Variants in PITPNM2 observed in about 807,000 individuals in gnomAD.
PITPNM2 encodes membrane-associated phosphatidylinositol transfer protein 2.
In PITPNM2, 35 loss-of-function variants were observed where a neutral mutation model predicts 132.2. The observed-to-expected ratio is 0.26, with a 90% CI of 0.20 to 0.35. The LOEUF (loss-of-function observed/expected upper bound fraction) is 0.35. Ranked by LOEUF, PITPNM2 falls within the 10% of genes least tolerant of loss-of-function variation. The pLI, the probability that PITPNM2 is intolerant of heterozygous loss-of-function variation, is 1.00. For synonymous variants in PITPNM2, 738 were observed against 799.2 expected, an observed-to-expected ratio of 0.92 and a Z score of 1.29; for missense variants, 1,332 against 1,912.0, an observed-to-expected ratio of 0.70 and a Z score of 5.66.
At chr12:123,054,785 G>T (rs1159808385) in intron 2 of PITPNM2, among the ~76,000 whole-genome samples, 2 of 152,196 alleles carry the variant, frequency 1.3e-5, no homozygotes, top group African/African-American at 4.8e-5. Flanking sequence ...CATTTATGCT[G>T]AGGTATGGTG....
chr12:123,119,074 T>C lies in PITPNM2; in HGVS notation c.-199-8586A>G, dbSNP rs57493716. Among the ~76,000 whole-genome samples, 562 of 152,268 alleles carry C rather than the reference T, an allele frequency of 3.7e-3. 4 individuals are homozygous for C. Among genetic ancestry groups the C allele is most frequent in the African/African-American group, 0.013 (530 of 41,552 alleles). ...TCCCAGATGTATCTGGGCTCAGCGT[T>C]GATGACAATAGCCTAACTATTCCCT... is the stretch of plus-strand genomic sequence containing the variant. On this transcript the variant is annotated intron_variant, in intron 1 of 25. Transcript: ENST00000320201.
chr12:123,145,435 C>T (rs985310104), intron 1 of PITPNM2, among the ~76,000 whole-genome samples: 26 of 152,106 alleles, frequency 1.7e-4, no homozygotes, highest in Non-Finnish European at 3.5e-4. Flanking sequence ...TTTCCCTGGA[C>T]CCATGACTCC....
intron 2 of PITPNM2, among the ~76,000 whole-genome samples, chr12:123,074,983 GAGA>G (rs2136943798): frequency 6.6e-6 from 1 of 152,362 alleles, no homozygotes; most frequent in South Asian, 2.1e-4. Context: ...ATGTTAGCAT[GAGA>G]AGAATGCCAA....
intron 1 of PITPNM2, among the ~76,000 whole-genome samples, chr12:123,138,150 C>T (rs576088576): frequency 6.6e-6 from 1 of 152,206 alleles, no homozygotes; most frequent in African/African-American, 2.4e-5. Context: ...ATTAGTCAGT[C>T]TTAAAAAGAA....
At chr12:123,076,518 C>T (rs2041795340) in intron 2 of PITPNM2, among the ~76,000 whole-genome samples, 1 of 152,156 alleles carries the variant, frequency 6.6e-6, no homozygotes, top group South Asian at 2.1e-4. Flanking sequence ...AATGCTGAAA[C>T]AAAAAACAGA....
At chr12:123,076,995 C>A (rs2041810969) in intron 2 of PITPNM2, among the ~76,000 whole-genome samples, 1 of 152,142 alleles carries the variant, frequency 6.6e-6, no homozygotes, top group South Asian at 2.1e-4. Context: ...TCTCCCCGGG[C>A]TGCGCTGCTG....
chr12:123,043,423 GA>G (rs1215959039), intron 2 of PITPNM2, among the ~76,000 whole-genome samples: 1 of 152,142 alleles, frequency 6.6e-6, no homozygotes, highest in Admixed American at 6.5e-5. Context: ...CTTTAAGCAG[GA>G]CCTGACTCCT....
At chr12:122,987,733 C>T in intron 21 of PITPNM2, 52 bp downstream of exon 21, 1 of 1,612,620 alleles carries the variant, frequency 6.2e-7, no homozygotes, top group Non-Finnish European at 8.5e-7. Context: ...CAGAGGGCAG[C>T]AGGGAGCTCC....
chr12:123,133,945 T>G (rs2043321269), intron 1 of PITPNM2, among the ~76,000 whole-genome samples: 1 of 151,456 alleles, frequency 6.6e-6, no homozygotes, highest in Non-Finnish European at 1.5e-5. Context: ...GCCTCCCAAG[T>G]GCTGAGATTA....
Position 123,150,009 on chromosome 12 carries a change from G to C in PITPNM2, c.-200+744C>G, listed in dbSNP as rs1246880329. On this transcript the variant is annotated intron_variant, in intron 1 of 25. Transcript: ENST00000320201. This position sits in a 1 kb window ranked among gnomAD's most constrained non-coding sequence, Gnocchi z 6.0. ...ATGTCTCTGCAGGAGCAAGTCGGTG[G>C]AAAGGGGACAAGCCTGGAGGACTTG... The C allele has an allele frequency of 3.3e-5, 5 of 152,266 alleles. No homozygotes were observed. The East Asian group carries it at 9.6e-4, about 29-fold the overall frequency. 9.4% of individuals were successfully genotyped at this position (152,266 alleles called of 1,614,324 possible).
intron 23 of PITPNM2, 132 bp downstream of exon 23, chr12:122,987,149 G>A (rs556437621): frequency 3.9e-6 from 5 of 1,295,052 alleles, no homozygotes; most frequent in Non-Finnish European, 4.3e-6. Context: ...TCTGAACTGA[G>A]GTCCTTAAGG....
chr12:123,016,098 G>A (rs2039414893), intron 3 of PITPNM2, among the ~76,000 whole-genome samples: 1 of 152,114 alleles, frequency 6.6e-6, no homozygotes, highest in African/African-American at 2.4e-5. Context: ...GGCCGAGGCA[G>A]GCAGATCACT....
chr12:123,104,904 A>G (rs971996478), intron 2 of PITPNM2, among the ~76,000 whole-genome samples: 2 of 152,074 alleles, frequency 1.3e-5, no homozygotes, highest in Non-Finnish European at 2.9e-5. Flanking sequence ...TTAAAGCACA[A>G]TTCGGATCCT....
rs184818419 is a variant in PITPNM2 at position 123,078,120 on chromosome 12, A to G, written c.-96+32265T>C. On this transcript the variant is annotated intron_variant, in intron 2 of 25. Transcript: ENST00000320201. This position sits in a 1 kb window ranked among gnomAD's most constrained non-coding sequence, Gnocchi z 7.3. The stretch of plus-strand genomic sequence containing the variant: ...TGGGGAGCGGAGAGGGAGGGCGGGA[A>G]GGAGGGAGAATTGATTTTCTCTCCT... 5.7e-4 allele frequency among the ~76,000 whole-genome samples: 87 copies of G among 152,244 alleles called. No individual in the cohort carries two copies. In the East Asian group the frequency reaches 0.015, roughly 26 times the overall value.
At chr12:122,988,168 C>T (rs2038019228) in intron 20 of PITPNM2, 66 bp downstream of exon 20, 2 of 1,382,364 alleles carry the variant, frequency 1.4e-6, no homozygotes, top group African/African-American at 2.8e-5. Flanking sequence ...TCAGTTTCCT[C>T]ATCTGGACAC....
intron 8 of PITPNM2, among the ~76,000 whole-genome samples, chr12:123,002,154 G>A (rs981964589): frequency 2.0e-5 from 3 of 151,122 alleles, no homozygotes; most frequent in East Asian, 1.9e-4. Flanking sequence ...CCTGGCCAAC[G>A]TGGCAAAACC....
intron 3 of PITPNM2, among the ~76,000 whole-genome samples, chr12:123,030,649 C>T (rs1264614832): frequency 2.6e-5 from 4 of 151,044 alleles, no homozygotes; most frequent in African/African-American, 7.3e-5. Context: ...GCTGAGATGA[C>T]GCCACTGCAC....
Position 123,034,552 on chromosome 12 carries a change from G to T in PITPNM2, c.39C>A (p.Thr13=), listed in dbSNP as rs149886764. The T allele has an allele frequency of 6.2e-7, 1 of 1,613,950 alleles. No homozygotes were observed. Among genetic ancestry groups the T allele is most frequent in the Admixed American group, 1.7e-5 (1 of 60,010 alleles). The change falls in exon 3 of 26, where the codon ACC becomes ACA. Residue 13 remains threonine (T), a synonymous_variant. Transcript: ENST00000320201. ...GCTGGGCGATGCGGTACTCCTCCAC[G>T]GTCATTGGCAGAGGAATCCGATATT... ...IKEYRIPLPM[T]VEEYRIAQLY...
chr12:122,992,352 C>G lies in PITPNM2; in HGVS notation c.2404+147G>C, dbSNP rs1337950754. Reference sequence around the variant, plus strand: ...GATGCACCACCCCCACCCCCCACCCCCAACAGCTGTCCACCTCCAAGAGGC... The same window carrying G: ...GATGCACCACCCCCACCCCCCACCCGCAACAGCTGTCCACCTCCAAGAGGC... On this transcript the variant is annotated intron_variant, in intron 16 of 25. Transcript: ENST00000320201. The surrounding 1 kb of genome is among the most constrained non-coding windows in gnomAD (Gnocchi z 6.5). 2 of 421,852 alleles carry G rather than the reference C, an allele frequency of 4.7e-6. No homozygotes were observed. Among genetic ancestry groups the G allele is most frequent in the Non-Finnish European group, 8.3e-6 (2 of 239,536 alleles). 26.1% of individuals were successfully genotyped at this position (421,852 alleles called of 1,614,324 possible).
Sources: allele counts gnomAD v4.1 joint callset (sites outside exome capture counted in the v4.1 genomes callset), GRCh38; gene constraint gnomAD v4.1.1; non-coding constraint Gnocchi (gnomAD v3.1); transcripts MANE v1.5; gene names NCBI Gene and HGNC (gene_info 2026-07-23, HGNC 2026-07-21).